RBM5: variants seen among roughly 807,000 people sequenced by gnomAD.
RBM5 encodes the protein RNA-binding protein 5.
A neutral mutation model predicts 124.6 loss-of-function variants in RBM5; 15 were observed. The ratio of observed to expected loss-of-function variants is 0.12; its 90% CI spans 0.08 to 0.19. RBM5 has a LOEUF of 0.19. Ranked by LOEUF, RBM5 falls within the 10% of genes least tolerant of loss-of-function variation. The pLI is 1.00. For missense variants in RBM5, 580 were observed against 1,026.5 expected (o/e 0.57, Z 5.94); for synonymous variants, 337 against 361.2 (o/e 0.93, Z 0.76).
intron 10 of RBM5, among the ~76,000 whole-genome samples, chr3:50,106,509 C>G (rs1291044669): frequency 6.6e-6 from 1 of 152,128 alleles, no homozygotes; most frequent in Non-Finnish European, 1.5e-5. Flanking sequence ...TCAAGTGATC[C>G]GCTCATCTCA....
chr3:50,105,187 C>A, intron 9 of RBM5, 45 bp downstream of exon 9: 2 of 1,473,578 alleles, frequency 1.4e-6, no homozygotes, highest in Non-Finnish European at 1.9e-6. Flanking sequence ...AAAAATTGAC[C>A]TCAGTTGTCA....
chr3:50,108,105 T>G lies in RBM5; in HGVS notation c.1077T>G (p.Ser359Arg). The G allele has an allele frequency of 6.2e-7, 1 of 1,611,876 alleles. No homozygotes were observed. Among genetic ancestry groups the G allele is most frequent in the Non-Finnish European group, 8.5e-7 (1 of 1,177,948 alleles). The change falls in exon 13 of 25, where the codon AGT becomes AGG. Residue 359 changes from serine (S) to arginine (R), a missense_variant. Around this residue, in one of 6 missense-constraint regions of RBM5, gnomAD observed 104 missense variants for 128.7 expected, o/e 0.81. Coordinates refer to ENST00000347869, the MANE Select transcript of RBM5 (RefSeq NM_005778.4). ...GTGAAGGAGGCAGTGTTGACTACAG[T>G]TATCTGCAACCAGGTCAAGATGGCT... The part of the protein sequence containing the change: ...QSGEGGSVDY[S>R]YLQPGQDGYA...
chr3:50,104,318 G>A lies in RBM5; in HGVS notation c.628+10G>A. 1 of 1,613,354 alleles carries A rather than the reference G, an allele frequency of 6.2e-7. No individual in the cohort carries two copies. The highest frequency in any genetic ancestry group is 1.1e-5 in the South Asian group (1 of 91,060). On this transcript the variant is annotated intron_variant, in intron 8 of 24. Transcript: ENST00000347869. ...GGAGCAGACAAGTTTGGTAAGACTG[G>A]ATTCAGCTGTTTGCAATATGCATTA...
chr3:50,110,892 C>A, intron 17 of RBM5, 122 bp downstream of exon 17: 2 of 716,206 alleles, frequency 2.8e-6, no homozygotes, highest in Non-Finnish European at 4.4e-6. Context: ...TTAACTTCTT[C>A]AAAGCCACCA....
chr3:50,105,511 G>T, intron 9 of RBM5, 38 bp from the exon 10 acceptor site: 1 of 1,597,036 alleles, frequency 6.3e-7, no homozygotes. Flanking sequence ...TTGGTGGTGG[G>T]AATGCATGTG....
At chr3:50,108,460 G>A (rs1015380699) in intron 14 of RBM5, among the ~76,000 whole-genome samples, 156 bp downstream of exon 14, 2 of 152,226 alleles carry the variant, frequency 1.3e-5, no homozygotes, top group Admixed American at 6.5e-5. Flanking sequence ...TGTAATCCCA[G>A]CACTTTGGGA....
chr3:50,108,404 C>T, intron 14 of RBM5, 100 bp downstream of exon 14: 2 of 1,210,754 alleles, frequency 1.7e-6, no homozygotes, highest in East Asian at 2.4e-5. Flanking sequence ...AAGTCCATTT[C>T]TCTGTAAGAT....
In RBM5 at chr3:50,107,576, T is replaced by TCGAG. The variant is rs1329943437; in HGVS notation, c.1041+8_1041+11dup. 1.9e-6 allele frequency: 3 copies of TCGAG among 1,592,800 alleles called. No individual in the cohort carries two copies. Among genetic ancestry groups the TCGAG allele is most frequent in the Non-Finnish European group, 2.6e-6 (3 of 1,161,384 alleles). On this transcript the variant is annotated splice_region_variant and intron_variant, in intron 12 of 24. Transcript: ENST00000347869. The stretch of plus-strand genomic sequence containing the variant: ...TCAGTGGTCATCCACCCAGGTAAGA[T>TCGAG]CGAGGATCTTTTTGCTCAAGGTAGT...
intron 10 of RBM5, 65 bp downstream of exon 10, chr3:50,105,774 C>T (rs2091016130): frequency 6.4e-7 from 1 of 1,551,502 alleles, no homozygotes; most frequent in Non-Finnish European, 8.8e-7. Flanking sequence ...TGTGGTTCAT[C>T]CAGTTTTGAA....
chr3:50,113,158 A>C, intron 17 of RBM5: 2 of 355,214 alleles, frequency 5.6e-6, no homozygotes, highest in Non-Finnish European at 5.1e-6. Flanking sequence ...CCGGCTGGGA[A>C]CTAAACTTTT....
chr3:50,107,419 A>G, intron 11 of RBM5, 63 bp from the exon 12 acceptor site: 1 of 1,289,586 alleles, frequency 7.8e-7, no homozygotes, highest in Admixed American at 1.7e-5. Context: ...AGTTGGTGGT[A>G]TAGGGGCACT....
Position 50,108,250 on chromosome 3 carries a change from CAG to C in RBM5, c.1139_1140del (p.Gln380LeufsTer12). The C allele has an allele frequency of 3.7e-6, 6 of 1,613,288 alleles. No homozygotes were observed. Among genetic ancestry groups the C allele is most frequent in the Non-Finnish European group, 5.1e-6 (6 of 1,179,226 alleles). Reference protein sequence around the residue: ...QYAQYSQDYQQFYQQQAGGLE... With the variant: ...QYAQYSQDYQXFYQQQAGGLE... The stretch of plus-strand genomic sequence containing the variant: ...TCTTCAGTATTCACAGGATTATCAG[CAG>C]TTTTATCAACAACAAGCTGGAGGAT... On this transcript the variant is annotated frameshift_variant, in exon 14 of 25. Coordinates refer to ENST00000347869, the MANE Select transcript of RBM5 (RefSeq NM_005778.4). LOFTEE classifies it high-confidence loss of function.
intron 12 of RBM5, 72 bp downstream of exon 12, chr3:50,107,641 G>A: frequency 1.3e-6 from 1 of 769,420 alleles, no homozygotes; most frequent in Non-Finnish European, 2.2e-6. Context: ...GACCTCTCCT[G>A]TGGTACTCGC....
intron 7 of RBM5, 65 bp downstream of exon 7, chr3:50,103,231 T>C: frequency 7.9e-7 from 1 of 1,265,508 alleles, no homozygotes; most frequent in Non-Finnish European, 1.1e-6. Context: ...TTTCTGTTTG[T>C]TTATTTGACT....
chr3:50,101,273 T>C (rs151043903), intron 6 of RBM5: 35 of 152,328 alleles, frequency 2.3e-4, no homozygotes, highest in African/African-American at 7.9e-4. Context: ...CAAGATAATG[T>C]TCAGTGCTTG....
At chr3:50,104,394 T>C in intron 8 of RBM5, 86 bp downstream of exon 8, 1 of 1,310,386 alleles carries the variant, frequency 7.6e-7, no homozygotes, top group South Asian at 1.2e-5. Context: ...TCCCACCACT[T>C]TGCAAGGCCA....
rs189692292 is a variant in RBM5 at position 50,088,992 on chromosome 3, G to C, written c.-91G>C. On this transcript the variant is annotated 5_prime_UTR_variant, in exon 1 of 25. Coordinates refer to ENST00000347869, the MANE Select transcript of RBM5 (RefSeq NM_005778.4). Reference sequence around the variant, plus strand: ...GCCGAACCTTGTTGGAGGTTCTGGGGCGCAGAACCGCTACTGCTGCTTCGG... The same window carrying C: ...GCCGAACCTTGTTGGAGGTTCTGGGCCGCAGAACCGCTACTGCTGCTTCGG... 1 of 152,294 alleles carries C rather than the reference G, an allele frequency of 6.6e-6. No individual in the cohort carries two copies. Among genetic ancestry groups the C allele is most frequent in the Admixed American group, 6.5e-5 (1 of 15,280 alleles). 9.4% of individuals were successfully genotyped at this position (152,294 alleles called of 1,614,324 possible).
intron 3 of RBM5, 49 bp from the exon 4 acceptor site, chr3:50,093,671 C>G (rs929400667): frequency 6.4e-7 from 1 of 1,564,488 alleles, no homozygotes; most frequent in African/African-American, 1.3e-5. Context: ...GGGTCTGTTT[C>G]AAAGAGTACA....
intron 12 of RBM5, among the ~76,000 whole-genome samples, chr3:50,107,825 T>TA (rs1222484601): frequency 6.6e-6 from 1 of 151,708 alleles, no homozygotes; most frequent in African/African-American, 2.4e-5. Flanking sequence ...TAGCTGGGAT[T>TA]ACAGGTACCT....
Sources: gnomAD v4.1 joint callset for allele counts (sites outside exome capture counted in the v4.1 genomes callset) on GRCh38, gnomAD v4.1.1 for gene constraint, gnomAD v4.1.1 regional missense constraint, MANE v1.5 for transcripts, NCBI Gene and HGNC (gene_info 2026-07-23, HGNC 2026-07-21) for gene names.